GMDS: variants seen among roughly 807,000 people sequenced by gnomAD.
GMDS encodes GDP-mannose 4,6 dehydratase.
GMDS carries 20 observed loss-of-function variants against 49.9 expected under a neutral mutation model. The observed-to-expected ratio is 0.40, with a 90% CI of 0.28 to 0.58. GMDS has a LOEUF of 0.58. Ranked by LOEUF, GMDS falls within the 20% of genes least tolerant of loss-of-function variation. The probability of loss-of-function intolerance (pLI) is 0.42; values close to 1 mark genes in which losing one functional copy is unlikely to be tolerated. For missense variants in GMDS, 362 were observed against 481.4 expected (o/e 0.75, Z 2.32); for synonymous variants, 177 against 178.6 (o/e 0.99, Z 0.07).
At chr6:1,751,741 C>T (rs764468002) in intron 7 of GMDS, among the ~76,000 whole-genome samples, 16 of 152,316 alleles carry the variant, frequency 1.1e-4, no homozygotes, top group Non-Finnish European at 2.2e-4. Context: ...ATCCACCTGC[C>T]TCAGGCTCCC....
chr6:1,914,634 T>A (rs1039687672), intron 7 of GMDS, among the ~76,000 whole-genome samples: 1 of 152,148 alleles, frequency 6.6e-6, no homozygotes, highest in Non-Finnish European at 1.5e-5. Flanking sequence ...CCAGGGAAGA[T>A]CCCTGTGCTC....
At chr6:1,943,355 C>A (rs781041574) in intron 6 of GMDS, among the ~76,000 whole-genome samples, 7 of 152,208 alleles carry the variant, frequency 4.6e-5, no homozygotes, top group Non-Finnish European at 1.0e-4. Flanking sequence ...AAGCTACCTG[C>A]TCTCATTACA....
chr6:1,961,486 A>C (rs1042723398), intron 4 of GMDS, among the ~76,000 whole-genome samples: 1 of 152,196 alleles, frequency 6.6e-6, no homozygotes, highest in South Asian at 2.1e-4. Flanking sequence ...ACGAATGCAT[A>C]ATCTTTTTTT....
chr6:1,671,480 T>G (rs1267005214), intron 9 of GMDS, among the ~76,000 whole-genome samples: 1 of 152,072 alleles, frequency 6.6e-6, no homozygotes, highest in African/African-American at 2.4e-5. Flanking sequence ...TAAAGGGCAT[T>G]ATTATTTTCT....
intron 7 of GMDS, among the ~76,000 whole-genome samples, chr6:1,835,139 G>T (rs1018730979): frequency 6.6e-6 from 1 of 152,170 alleles, no homozygotes; most frequent in African/African-American, 2.4e-5. Context: ...GACGGGAGGG[G>T]CACAGAGTCT....
At chr6:2,133,817 A>C (rs1775861410) in intron 1 of GMDS, among the ~76,000 whole-genome samples, 1 of 152,218 alleles carries the variant, frequency 6.6e-6, no homozygotes, top group Admixed American at 6.5e-5. Flanking sequence ...ACTCATATTC[A>C]GTGCCCAAGG....
intron 1 of GMDS, among the ~76,000 whole-genome samples, chr6:2,204,271 T>C (rs1401381995): frequency 6.6e-6 from 1 of 152,196 alleles, no homozygotes; most frequent in Non-Finnish European, 1.5e-5. Flanking sequence ...GCCCACTTTG[T>C]CATCTCCCTT....
chr6:2,053,614 C>T (rs1335936227), intron 4 of GMDS, among the ~76,000 whole-genome samples: 2 of 151,898 alleles, frequency 1.3e-5, no homozygotes, highest in South Asian at 4.2e-4. Flanking sequence ...CATAATAGTT[C>T]AAATGAGAAA....
At position 2,240,553 on chromosome 6, in the gene GMDS, G is replaced by A. The variant is rs563140049; in HGVS notation, c.102+4768C>T. 7.5e-5 allele frequency among the ~76,000 whole-genome samples: 11 copies of A among 146,304 alleles called. 1 individual carries two copies. In the South Asian group the frequency reaches 1.9e-3, roughly 25 times the overall value. ...TGGAAGGTAGAGGTTGCAGTAAACC[G>A]AGGTCACGTCACTGCACTCCAGCCT... is the stretch of plus-strand genomic sequence containing the variant. On this transcript the variant is annotated intron_variant, in intron 1 of 10. Coordinates refer to ENST00000380815, the MANE Select transcript of GMDS (RefSeq NM_001500.4).
intron 4 of GMDS, among the ~76,000 whole-genome samples, chr6:2,017,382 C>T (rs953158041): frequency 1.3e-5 from 2 of 152,086 alleles, no homozygotes; most frequent in East Asian, 3.9e-4. Flanking sequence ...TATCTCCGCT[C>T]ACTGCAACCT....
At chr6:1,866,392 AAAAAAGGCTT>A (rs2113794659) in intron 7 of GMDS, among the ~76,000 whole-genome samples, 1 of 152,296 alleles carries the variant, frequency 6.6e-6, no homozygotes, top group South Asian at 2.1e-4. Flanking sequence ...TACAGAGGGG[AAAAAAGGCTT>A]AAAAATGTTA....
Position 1,739,513 on chromosome 6 carries a change from G to A in GMDS, c.890+2955C>T, listed in dbSNP as rs531097557. 3.2e-4 allele frequency among the ~76,000 whole-genome samples: 48 copies of A among 152,376 alleles called. 1 individual carries two copies. The East Asian group carries it at 8.5e-3, about 27-fold the overall frequency. Reference sequence around the variant, plus strand: ...CGCATTCAAACAGTGGACTTTCAGTGGGGCTGCTCATCCCAGAATCCTCAC... The same window carrying A: ...CGCATTCAAACAGTGGACTTTCAGTAGGGCTGCTCATCCCAGAATCCTCAC... On this transcript the variant is annotated intron_variant, in intron 8 of 10. Coordinates refer to ENST00000380815, the MANE Select transcript of GMDS (RefSeq NM_001500.4).
At chr6:1,819,774 A>T (rs866337726) in intron 7 of GMDS, among the ~76,000 whole-genome samples, 100 of 123,778 alleles carry the variant, frequency 8.1e-4, no homozygotes, top group East Asian at 1.3e-3. Flanking sequence ...AAAAAAAAAA[A>T]AAATATATAT....
At chr6:1,792,949 T>C (rs967134503) in intron 7 of GMDS, among the ~76,000 whole-genome samples, 17 of 152,358 alleles carry the variant, frequency 1.1e-4, no homozygotes, top group Non-Finnish European at 2.4e-4. Context: ...CATTCTGCTC[T>C]GGGAAATTTT....
chr6:2,080,621 G>A (rs1021406496), intron 4 of GMDS, among the ~76,000 whole-genome samples: 7 of 152,152 alleles, frequency 4.6e-5, no homozygotes, highest in African/African-American at 1.4e-4. Flanking sequence ...AGCTTATGGT[G>A]CAGTTATTAG....
intron 7 of GMDS, among the ~76,000 whole-genome samples, chr6:1,820,136 G>A (rs1561825696): frequency 1.3e-5 from 2 of 152,086 alleles, no homozygotes; most frequent in East Asian, 1.9e-4. Flanking sequence ...TTAATGAAAT[G>A]AAACCTAAAA....
chr6:1,933,410 C>T (rs1202615526), intron 6 of GMDS, among the ~76,000 whole-genome samples: 1 of 152,216 alleles, frequency 6.6e-6, no homozygotes, highest in Non-Finnish European at 1.5e-5. Flanking sequence ...ATTGCTGGGT[C>T]ATATGAGAAC....
rs116236368 is a variant in GMDS, at chr6:1,707,771, T to C, written c.987+18645A>G. 5.5e-3 allele frequency among the ~76,000 whole-genome samples: 841 copies of C among 152,332 alleles called. 6 individuals are homozygous for C. The highest frequency in any genetic ancestry group is 0.02 in the African/African-American group (816 of 41,588). On this transcript the variant is annotated intron_variant, in intron 9 of 10. Coordinates refer to ENST00000380815, the MANE Select transcript of GMDS (RefSeq NM_001500.4). The stretch of plus-strand genomic sequence containing the variant: ...GTGAGTAGCACCCAGATTTGGACGT[T>C]GGAAAGTGCGCTTGCACTGAAAGCA...
chr6:1,887,022 C>T (rs956936201), intron 7 of GMDS, among the ~76,000 whole-genome samples: 7 of 152,168 alleles, frequency 4.6e-5, no homozygotes, highest in African/African-American at 1.7e-4. Context: ...CACCACATGA[C>T]ATAAATACTT....
Sources: allele counts gnomAD v4.1 joint callset (sites outside exome capture counted in the v4.1 genomes callset), GRCh38; gene constraint gnomAD v4.1.1; transcripts MANE v1.5; gene names NCBI Gene and HGNC (gene_info 2026-07-23, HGNC 2026-07-21).